Variants in CAMKMT observed in about 807,000 individuals in gnomAD.
CAMKMT encodes CaM KMT.
Under a neutral mutation model 48.0 loss-of-function variants are expected in CAMKMT, and 53 were observed. That is an observed-to-expected ratio of 1.10 (90% CI 0.89 to 1.39). The LOEUF is 1.39. CAMKMT is among the 40% of genes most tolerant of loss of function. The pLI is 0.00. For synonymous variants in CAMKMT, 165 were observed against 152.3 expected, an observed-to-expected ratio of 1.08 and a Z score of -0.61; for missense variants, 428 against 402.7, an observed-to-expected ratio of 1.06 and a Z score of -0.54.
At chr2:44,365,261 G>C (rs971032435) in intron 1 of CAMKMT, among the ~76,000 whole-genome samples, 5 of 152,002 alleles carry the variant, frequency 3.3e-5, no homozygotes, top group African/African-American at 4.8e-5. Context: ...GAGCTCCAAG[G>C]CTGTCTCATG....
chr2:44,507,214 C>T lies in CAMKMT; in HGVS notation c.376+116909C>T, dbSNP rs79537163. 8.5e-3 allele frequency among the ~76,000 whole-genome samples: 1,301 copies of T among 152,236 alleles called. 10 individuals carry two copies. Among genetic ancestry groups the T allele is most frequent in the African/African-American group, 0.024 (997 of 41,532 alleles). ...GGCTAAATTTTCTTCTATAGCAAGT[C>T]TGTTAGAACTTCTACCTTGCTTCAG... On this transcript the variant is annotated intron_variant, in intron 3 of 10. Transcript: ENST00000378494.
At chr2:44,576,881 T>C (rs1669253412) in intron 3 of CAMKMT, among the ~76,000 whole-genome samples, 2 of 152,172 alleles carry the variant, frequency 1.3e-5, no homozygotes, top group African/African-American at 4.8e-5. Context: ...AAAACAAAAA[T>C]ACTGCAAGGA....
chr2:44,399,884 T>C (rs1682205756), intron 3 of CAMKMT, among the ~76,000 whole-genome samples: 1 of 152,190 alleles, frequency 6.6e-6, no homozygotes, highest in African/African-American at 2.4e-5. Flanking sequence ...GTTCTTATCA[T>C]AATTATTAAC....
chr2:44,551,324 C>T (rs1377906), intron 3 of CAMKMT, among the ~76,000 whole-genome samples: 94,904 of 151,882 alleles, frequency 0.62, 30,114 homozygotes, highest in Middle Eastern at 0.69. Flanking sequence ...TAAATTCTCA[C>T]TGTTCAGGTG....
At chr2:44,511,909 C>T (rs189739403) in intron 3 of CAMKMT, among the ~76,000 whole-genome samples, 26 of 152,158 alleles carry the variant, frequency 1.7e-4, no homozygotes, top group African/African-American at 5.3e-4. Context: ...CTGCCCACCC[C>T]CCATCTTCTA....
intron 3 of CAMKMT, among the ~76,000 whole-genome samples, chr2:44,500,062 T>C (rs1669935443): frequency 6.6e-6 from 1 of 152,186 alleles, no homozygotes; most frequent in Admixed American, 6.5e-5. Flanking sequence ...CAAGATTCAC[T>C]TGATGAAAAT....
intron 3 of CAMKMT, among the ~76,000 whole-genome samples, chr2:44,479,142 A>G (rs1396945388): frequency 6.6e-6 from 1 of 152,242 alleles, no homozygotes; most frequent in Non-Finnish European, 1.5e-5. Context: ...AGAATGCCAC[A>G]AGAAACTGGC....
chr2:44,498,756 A>C (rs544021438), intron 3 of CAMKMT, among the ~76,000 whole-genome samples: 34 of 152,354 alleles, frequency 2.2e-4, no homozygotes, highest in African/African-American at 7.2e-4. Flanking sequence ...AGGCTGCTGA[A>C]TGAAAACAGT....
chr2:44,432,693 A>G (rs879339239), intron 3 of CAMKMT, among the ~76,000 whole-genome samples: 1 of 152,170 alleles, frequency 6.6e-6, no homozygotes, highest in Non-Finnish European at 1.5e-5. Context: ...CTAAGTCTTC[A>G]CTTAGACTAA....
chr2:44,727,382 A>C (rs1351551765), intron 7 of CAMKMT, among the ~76,000 whole-genome samples: 1 of 151,992 alleles, frequency 6.6e-6, no homozygotes, highest in East Asian at 1.9e-4. Context: ...TTTGTGGCTA[A>C]TTTAAGTGGG....
At chr2:44,524,337 A>T (rs1055742996) in intron 3 of CAMKMT, among the ~76,000 whole-genome samples, 2 of 152,216 alleles carry the variant, frequency 1.3e-5, no homozygotes, top group African/African-American at 4.8e-5. Context: ...CCCCCATCCC[A>T]TAACCAGGAG....
At chr2:44,632,954 G>C (rs1458012153) in intron 3 of CAMKMT, among the ~76,000 whole-genome samples, 1 of 152,080 alleles carries the variant, frequency 6.6e-6, no homozygotes, top group African/African-American at 2.4e-5. Context: ...GTGATCATGT[G>C]AGTTAATACT....
chr2:44,639,989 G>C (rs956270857), intron 3 of CAMKMT, among the ~76,000 whole-genome samples: 1 of 152,130 alleles, frequency 6.6e-6, no homozygotes, highest in Non-Finnish European at 1.5e-5. Context: ...TTTTTGCCTG[G>C]CAGGAAGCAT....
At chr2:44,751,037 C>G (rs1680132031) in intron 8 of CAMKMT, among the ~76,000 whole-genome samples, 2 of 152,046 alleles carry the variant, frequency 1.3e-5, no homozygotes, top group South Asian at 2.1e-4. Context: ...TGCAGATGCT[C>G]TCTGCCTTCA....
intron 3 of CAMKMT, among the ~76,000 whole-genome samples, chr2:44,491,623 C>T (rs1017223023): frequency 1.3e-5 from 2 of 152,202 alleles, no homozygotes; most frequent in African/African-American, 4.8e-5. Context: ...ATGTAACTTA[C>T]ACTGCACTAT....
intron 3 of CAMKMT, among the ~76,000 whole-genome samples, chr2:44,453,280 C>T (rs564524375): frequency 2.1e-4 from 32 of 152,034 alleles, no homozygotes; most frequent in Non-Finnish European, 3.7e-4. Flanking sequence ...TTTGTTTTAC[C>T]TGCTATTAAT....
chr2:44,378,390 G>C (rs1333653856), intron 2 of CAMKMT, among the ~76,000 whole-genome samples: 1 of 152,138 alleles, frequency 6.6e-6, no homozygotes, highest in African/African-American at 2.4e-5. Flanking sequence ...CATGAGACTG[G>C]AAAACATCTC....
intron 3 of CAMKMT, among the ~76,000 whole-genome samples, chr2:44,444,270 A>C (rs1067348): frequency 0.76 from 115,029 of 152,060 alleles, 43,648 homozygotes; most frequent in South Asian, 0.88. Flanking sequence ...TTGAGGCGAC[A>C]GAAATGAAAT....
At chr2:44,555,824 C>A (rs1201517136) in intron 3 of CAMKMT, among the ~76,000 whole-genome samples, 1 of 152,020 alleles carries the variant, frequency 6.6e-6, no homozygotes. Flanking sequence ...AGTGGCCAAC[C>A]ATGTCAAATC....
Sources: gnomAD v4.1 joint callset for allele counts (sites outside exome capture counted in the v4.1 genomes callset) on GRCh38, gnomAD v4.1.1 for gene constraint, MANE v1.5 for transcripts, NCBI Gene and HGNC (gene_info 2026-07-23, HGNC 2026-07-21) for gene names.